RTN4: variants seen among roughly 807,000 people sequenced by gnomAD.
RTN4 encodes the protein reticulon 4.
RTN4 carries 32 observed loss-of-function variants against 90.4 expected under a neutral mutation model. That is an observed-to-expected ratio of 0.35 (90% confidence interval 0.27 to 0.48). RTN4 has a LOEUF of 0.48. Ranked by LOEUF, RTN4 falls within the 20% of genes least tolerant of loss-of-function variation. The pLI is 0.99. For synonymous variants in RTN4, 629 were observed against 552.5 expected (o/e 1.14, Z -1.94); for missense variants, 1,706 against 1,430.2 (o/e 1.19, Z -3.11).
chr2:55,097,781 C>A (rs1667771809), intron 1 of RTN4, among the ~76,000 whole-genome samples: 1 of 152,052 alleles, frequency 6.6e-6, no homozygotes, highest in Admixed American at 6.6e-5. Context: ...GACACTTGAA[C>A]AGGCTGTTCT....
At chr2:54,973,775 A>T (rs1677354161) in intron 7 of RTN4, 46 bp downstream of exon 7, 1 of 1,575,206 alleles carries the variant, frequency 6.3e-7, no homozygotes, top group Non-Finnish European at 8.7e-7. Context: ...CCCATGTAAT[A>T]GAGTGAGTGC....
At chr2:55,118,848 T>C in the RTN4 span, among the ~76,000 whole-genome samples, 1 of 152,222 alleles carries the variant, frequency 6.6e-6, no homozygotes, top group South Asian at 2.1e-4. Context: ...CCATCAGATA[T>C]GGGTCCCTGA....
chr2:55,115,567 T>A (rs1179886905), upstream of RTN4, among the ~76,000 whole-genome samples: 1 of 152,206 alleles, frequency 6.6e-6, no homozygotes, highest in Non-Finnish European at 1.5e-5. Flanking sequence ...AACATCCTTA[T>A]CACAAAATCA....
chr2:55,058,237 G>C (rs1174671703), intron 2 of RTN4, among the ~76,000 whole-genome samples: 3 of 152,050 alleles, frequency 2.0e-5, no homozygotes, highest in African/African-American at 4.8e-5. Context: ...CTATTCTTTA[G>C]ATTCTATGAG....
intron 3 of RTN4, among the ~76,000 whole-genome samples, chr2:55,019,446 C>G (rs1681273575): frequency 6.6e-6 from 1 of 152,156 alleles, no homozygotes; most frequent in African/African-American, 2.4e-5. Context: ...ATAAGGAAAT[C>G]AGAGCTCATC....
chr2:55,022,906 C>T (rs1056891207), intron 3 of RTN4, among the ~76,000 whole-genome samples: 2 of 151,384 alleles, frequency 1.3e-5, no homozygotes, highest in African/African-American at 2.4e-5. Flanking sequence ...AACACACACA[C>T]ACACACACAC....
At chr2:55,054,123 A>T (rs975532804), upstream of RTN4, among the ~76,000 whole-genome samples, 18 of 152,332 alleles carry the variant, frequency 1.2e-4, no homozygotes, top group African/African-American at 4.3e-4. Flanking sequence ...TTTAAATAAA[A>T]AAATTCTTAA....
intron 1 of RTN4, chr2:55,049,162 T>C (rs200769778): frequency 1.0e-6 from 1 of 986,178 alleles, no homozygotes; most frequent in Non-Finnish European, 1.2e-6. Flanking sequence ...ATGTGGACGT[T>C]TTCCACTCGG....
chr2:55,102,279 G>T (rs1194175758), intron 1 of RTN4, among the ~76,000 whole-genome samples: 1 of 152,064 alleles, frequency 6.6e-6, no homozygotes, highest in African/African-American at 2.4e-5. Flanking sequence ...CTTGAAGATG[G>T]TATATAAACT....
chr2:55,012,135 T>C (rs1680688953), intron 3 of RTN4, among the ~76,000 whole-genome samples: 2 of 152,170 alleles, frequency 1.3e-5, no homozygotes, highest in African/African-American at 4.8e-5. Context: ...ACTTCACTAG[T>C]AGAAGAAAAA....
At chr2:54,999,463 G>C (rs529135346) in intron 3 of RTN4, among the ~76,000 whole-genome samples, 47 of 152,228 alleles carry the variant, frequency 3.1e-4, no homozygotes, top group African/African-American at 1.1e-3. Flanking sequence ...GCTTTTGTCT[G>C]GGAAGGCGGG....
the RTN4 span, among the ~76,000 whole-genome samples, chr2:55,134,855 T>G: frequency 6.6e-6 from 1 of 152,194 alleles, no homozygotes; most frequent in African/African-American, 2.4e-5. Context: ...GAGGAAACAA[T>G]TCTGATCGGG....
At chr2:55,063,147 G>T (rs1414247567) in intron 2 of RTN4, among the ~76,000 whole-genome samples, 1 of 152,126 alleles carries the variant, frequency 6.6e-6, no homozygotes, top group Admixed American at 6.5e-5. Context: ...TTTTTCAGCA[G>T]TTGAACCAAT....
chr2:55,032,675 G>A (rs1446056922), intron 1 of RTN4, among the ~76,000 whole-genome samples: 1 of 152,100 alleles, frequency 6.6e-6, no homozygotes, highest in Non-Finnish European at 1.5e-5. Flanking sequence ...AAGGAACAGA[G>A]CCTCAGTGCT....
the RTN4 span, among the ~76,000 whole-genome samples, chr2:55,132,139 G>C: frequency 2.6e-5 from 4 of 152,170 alleles, no homozygotes; most frequent in Non-Finnish European, 5.9e-5. Context: ...ATGGCAGTAC[G>C]TTAATTGCTG....
intron 3 of RTN4, among the ~76,000 whole-genome samples, chr2:55,015,092 CAT>C (rs748763131): frequency 6.6e-5 from 10 of 152,150 alleles, no homozygotes; most frequent in Non-Finnish European, 1.0e-4. Context: ...ATTTATTCCA[CAT>C]AGTCAATTAT....
At chr2:55,040,704 T>C (rs1208597287) in intron 1 of RTN4, among the ~76,000 whole-genome samples, 2 of 152,162 alleles carry the variant, frequency 1.3e-5, no homozygotes, top group Non-Finnish European at 2.9e-5. Context: ...TAAGGGCCTG[T>C]ATTTTTTCCT....
At position 55,026,469 on chromosome 2, in the gene RTN4, C is replaced by T; in HGVS notation, c.1630G>A (p.Ala544Thr). The T allele has an allele frequency of 1.2e-6, 2 of 1,613,922 alleles. No homozygotes were observed. Among genetic ancestry groups the T allele is most frequent in the Non-Finnish European group, 1.7e-6 (2 of 1,179,890 alleles). ...GGAGTCAGGCCTTCAGGCATGTTTG[C>T]CACGACTTCCTCAGTCACCTTTGTT... ...NLTKVTEEVVANMPEGLTPDL... is the reference protein window; with the variant it reads ...NLTKVTEEVVTNMPEGLTPDL... The change falls in exon 3 of 9, where the codon GCA (alanine) becomes ACA (threonine). Residue 544 changes from alanine to threonine, a missense_variant. Transcript: ENST00000337526.
At chr2:55,099,232 T>A (rs1224193295) in intron 1 of RTN4, among the ~76,000 whole-genome samples, 1 of 152,108 alleles carries the variant, frequency 6.6e-6, no homozygotes, top group Non-Finnish European at 1.5e-5. Flanking sequence ...GGTTATCAGT[T>A]CAATAATGAG....
Sources: gnomAD v4.1 joint callset for allele counts (sites outside exome capture counted in the v4.1 genomes callset) on GRCh38, gnomAD v4.1.1 for gene constraint, MANE v1.5 for transcripts, NCBI Gene and HGNC (gene_info 2026-07-23, HGNC 2026-07-21) for gene names.